The following CTNNA2 variants were observed in gnomAD, a reference collection of about 807,000 sequenced individuals.
CTNNA2 encodes catenin alpha-2.
A neutral mutation model predicts 101.0 loss-of-function variants in CTNNA2; 42 were observed. That is an observed-to-expected ratio of 0.42 (90% CI 0.32 to 0.54). The LOEUF is 0.54. Ranked by LOEUF, CTNNA2 falls within the 20% of genes least tolerant of loss-of-function variation. The probability of loss-of-function intolerance (pLI) is 0.14; values close to 1 mark genes in which losing one functional copy is unlikely to be tolerated. For synonymous variants in CTNNA2, 450 were observed against 456.4 expected (o/e 0.99, Z 0.18); for missense variants, 871 against 1,223.1 (o/e 0.71, Z 4.29).
intron 4 of CTNNA2, 114 bp from the exon 5 acceptor site, chr2:79,869,702 C>A: frequency 1.5e-6 from 2 of 1,317,214 alleles, no homozygotes; most frequent in Non-Finnish European, 2.0e-6. Flanking sequence ...TTTTCATTTA[C>A]ATGTTAACAC....
chr2:79,771,807 C>T (rs1354316954), intron 3 of CTNNA2, among the ~76,000 whole-genome samples: 1 of 152,062 alleles, frequency 6.6e-6, no homozygotes, highest in Non-Finnish European at 1.5e-5. Flanking sequence ...GGTTGGGCAC[C>T]CTTGTTCTAG....
At chr2:80,606,164 G>T (rs1296348076) in intron 16 of CTNNA2, among the ~76,000 whole-genome samples, 1 of 151,840 alleles carries the variant, frequency 6.6e-6, no homozygotes, top group Non-Finnish European at 1.5e-5. Flanking sequence ...CTTCTTGGGA[G>T]TGAAAATGAG....
chr2:79,465,096 C>G (rs1022255562), intron 4 of CTNNA2, among the ~76,000 whole-genome samples: 1 of 152,116 alleles, frequency 6.6e-6, no homozygotes, highest in Non-Finnish European at 1.5e-5. Flanking sequence ...AGGTTTTCTT[C>G]TAGGGTTTTT....
intron 4 of CTNNA2, among the ~76,000 whole-genome samples, chr2:79,469,596 A>G (rs912579621): frequency 2.6e-5 from 4 of 152,180 alleles, no homozygotes; most frequent in African/African-American, 2.4e-5. Flanking sequence ...TTTTAGACCA[A>G]TATCCCTGAT....
chr2:79,809,476 G>T (rs1022361980), intron 3 of CTNNA2, among the ~76,000 whole-genome samples: 2 of 152,074 alleles, frequency 1.3e-5, no homozygotes, highest in African/African-American at 4.8e-5. Context: ...TTTAATAATT[G>T]CCACTGTAAC....
chr2:79,796,966 G>A (rs186153316), intron 3 of CTNNA2, among the ~76,000 whole-genome samples: 88 of 152,208 alleles, frequency 5.8e-4, no homozygotes, highest in African/African-American at 2.0e-3. Context: ...CTTTCAATGA[G>A]AGTTGCCCTC....
At chr2:79,705,933 T>C (rs1468536234) in intron 2 of CTNNA2, among the ~76,000 whole-genome samples, 1 of 151,628 alleles carries the variant, frequency 6.6e-6, no homozygotes. Flanking sequence ...AGAGAAGAGG[T>C]CATATGTAAG....
chr2:80,322,083 T>C (rs2149247526), intron 7 of CTNNA2, among the ~76,000 whole-genome samples: 1 of 152,354 alleles, frequency 6.6e-6, no homozygotes, highest in East Asian at 1.9e-4. Context: ...TCCTGGTATG[T>C]GTAGAATTTC....
intron 7 of CTNNA2, among the ~76,000 whole-genome samples, chr2:79,996,191 A>G (rs1486931150): frequency 2.6e-5 from 4 of 152,350 alleles, no homozygotes; most frequent in Admixed American, 6.5e-5. Context: ...AGCATATGCT[A>G]TATTGCTAGT....
chr2:79,884,502 C>G (rs531102235), intron 6 of CTNNA2, among the ~76,000 whole-genome samples: 1 of 152,242 alleles, frequency 6.6e-6, no homozygotes, highest in East Asian at 1.9e-4. Flanking sequence ...AATACTTCAG[C>G]TTTGGAAGGG....
chr2:79,661,094 G>A (rs1197372192), intron 2 of CTNNA2, among the ~76,000 whole-genome samples: 1 of 152,160 alleles, frequency 6.6e-6, no homozygotes, highest in Non-Finnish European at 1.5e-5. Flanking sequence ...ACCACCCTGT[G>A]CCATGTGATA....
chr2:79,966,111 G>A (rs770962131), intron 7 of CTNNA2, among the ~76,000 whole-genome samples: 38 of 152,000 alleles, frequency 2.5e-4, no homozygotes, highest in Middle Eastern at 3.4e-3. Flanking sequence ...ATCATTTATT[G>A]AAGTTTGTGG....
At chr2:80,163,179 C>A in intron 7 of CTNNA2, 2 of 1,372,918 alleles carry the variant, frequency 1.5e-6, no homozygotes, top group African/African-American at 1.4e-5. Context: ...AGGAGCTCCT[C>A]GGTCACTTTC....
At chr2:80,326,537 G>A (rs1679256394) in intron 7 of CTNNA2, among the ~76,000 whole-genome samples, 1 of 152,040 alleles carries the variant, frequency 6.6e-6, no homozygotes, top group Non-Finnish European at 1.5e-5. Context: ...TGGGTAAGTG[G>A]ATCCATCCCT....
rs151034808 is a variant in CTNNA2, at chr2:80,411,780, C to G, written c.1138-7669C>G. Among the ~76,000 whole-genome samples, 59 of 152,248 alleles carry G rather than the reference C, an allele frequency of 3.9e-4. No individual in the cohort carries two copies. The East Asian group carries it at 6.8e-3, about 17-fold the overall frequency. ...AGTGACTTAATTCTATTGTCTCAGT[C>G]TCCTCACCTATAAAAGGAATAAAAT... On this transcript the variant is annotated intron_variant, in intron 8 of 18. Transcript: ENST00000402739.
At chr2:80,469,417 C>T (rs190578639) in intron 9 of CTNNA2, among the ~76,000 whole-genome samples, 116 of 152,324 alleles carry the variant, frequency 7.6e-4, no homozygotes, top group Middle Eastern at 6.8e-3. Context: ...GATAGACAGA[C>T]TTTTCCAGCT....
In CTNNA2 at chr2:79,217,041, A is replaced by T. The variant is rs188802584; in HGVS notation, c.-406+18965A>T. Among the ~76,000 whole-genome samples the T allele has an allele frequency of 2.4e-3, 370 of 152,328 alleles. 2 individuals are homozygous for T. The highest frequency in any genetic ancestry group is 8.3e-3 in the African/African-American group (344 of 41,566). ...GTGTCTCCTTTGTCTCTACCAGAAA[A>T]TGAAAGGAATTGAAATTAAGAGAAG... On this transcript the variant is annotated intron_variant, in intron 2 of 21. Transcript: ENST00000466387.
At chr2:80,412,100 A>G (rs1049763211) in intron 8 of CTNNA2, among the ~76,000 whole-genome samples, 16 of 152,110 alleles carry the variant, frequency 1.1e-4, no homozygotes, top group African/African-American at 3.9e-4. Flanking sequence ...TACCTGCTAG[A>G]TTAAGCCATC....
At chr2:79,622,779 G>A (rs573978736) in intron 1 of CTNNA2, among the ~76,000 whole-genome samples, 2 of 152,228 alleles carry the variant, frequency 1.3e-5, no homozygotes, top group African/African-American at 2.4e-5. Flanking sequence ...TGCAGGGAGC[G>A]GCAGGATGGA....
Sources: gnomAD v4.1 joint callset for allele counts (sites outside exome capture counted in the v4.1 genomes callset) on GRCh38, gnomAD v4.1.1 for gene constraint, MANE v1.5 for transcripts, NCBI Gene and HGNC (gene_info 2026-07-23, HGNC 2026-07-21) for gene names.